The following LRP11 variants were observed in gnomAD, a reference collection of about 807,000 sequenced individuals.
LRP11 encodes LDL receptor related protein 11.
In LRP11, 25 loss-of-function variants were observed where a neutral mutation model predicts 43.1. The observed-to-expected ratio is 0.58, with a 90% CI of 0.42 to 0.81. The LOEUF (loss-of-function observed/expected upper bound fraction) is 0.81, where lower values mean the gene tolerates loss of function less well. LRP11 is among the 30% of genes least tolerant of loss of function. The pLI, the probability that LRP11 is intolerant of heterozygous loss-of-function variation, is 0.00. For missense variants in LRP11, 623 were observed against 665.1 expected, an observed-to-expected ratio of 0.94 and a Z score of 0.70; for synonymous variants, 316 against 299.4, an observed-to-expected ratio of 1.06 and a Z score of -0.57.
intron 6 of LRP11, among the ~76,000 whole-genome samples, chr6:149,822,267 A>G (rs1414336364): frequency 6.6e-6 from 1 of 152,020 alleles, no homozygotes; most frequent in African/African-American, 2.4e-5. Flanking sequence ...CTGAGCCCAG[A>G]AAGTTGAGGC....
At chr6:149,863,146 C>T (rs1448942090) in intron 1 of LRP11, among the ~76,000 whole-genome samples, 4 of 152,176 alleles carry the variant, frequency 2.6e-5, no homozygotes, top group Admixed American at 1.3e-4. Flanking sequence ...CCTTTTAAGT[C>T]ATATTTCCAC....
In LRP11 at chr6:149,831,411, G is replaced by A. The variant is rs145374449; in HGVS notation, c.1252+4674C>T. On this transcript the variant is annotated intron_variant, in intron 5 of 6. Coordinates refer to ENST00000239367, the MANE Select transcript of LRP11 (RefSeq NM_032832.6). ...CGGGGTAGCTTGGATACAAGAGGGT[G>A]GAATTGTTAATGAATGACATGGACC... Among the ~76,000 whole-genome samples, 161 of 152,306 alleles carry A rather than the reference G, an allele frequency of 1.1e-3. 1 individual carries two copies. Among genetic ancestry groups the A allele is most frequent in the African/African-American group, 3.7e-3 (155 of 41,566 alleles).
intron 1 of LRP11, among the ~76,000 whole-genome samples, chr6:149,856,370 G>T (rs1459680426): frequency 6.6e-6 from 1 of 152,142 alleles, no homozygotes; most frequent in African/African-American, 2.4e-5. Flanking sequence ...CTTCTAAACT[G>T]ATCACTGATG....
intron 2 of LRP11, among the ~76,000 whole-genome samples, chr6:149,848,922 G>C (rs1341459274): frequency 6.6e-6 from 1 of 152,166 alleles, no homozygotes; most frequent in African/African-American, 2.4e-5. Context: ...AGAGGCCCCA[G>C]AGGGCTGCCT....
intron 5 of LRP11, among the ~76,000 whole-genome samples, chr6:149,832,327 G>GTC (rs1776418736): frequency 6.6e-6 from 1 of 151,724 alleles, no homozygotes; most frequent in African/African-American, 2.4e-5. Flanking sequence ...GAGTAGCTGG[G>GTC]ATTACAGGTG....
intron 6 of LRP11, among the ~76,000 whole-genome samples, chr6:149,825,680 C>G (rs950557814): frequency 3.5e-5 from 5 of 143,558 alleles, no homozygotes; most frequent in African/African-American, 2.6e-5. Context: ...TTTTTTGAGA[C>G]GGTCTCACTC....
chr6:149,841,081 C>G (rs982288695), intron 3 of LRP11, among the ~76,000 whole-genome samples: 11 of 152,164 alleles, frequency 7.2e-5, no homozygotes, highest in Non-Finnish European at 1.2e-4. Flanking sequence ...CCTGGCTGGA[C>G]AGGTTGTCAT....
In LRP11 at chr6:149,843,070, A is replaced by G. The variant is rs1236698564; in HGVS notation, c.826T>C (p.Phe276Leu). The G allele has an allele frequency of 6.2e-7, 1 of 1,614,182 alleles. No individual in the cohort carries two copies. The highest frequency in any genetic ancestry group is 1.1e-5 in the South Asian group (1 of 91,084). Residue 276 changes from phenylalanine (F) to leucine (L), a missense_variant, in exon 3 of 7, where the codon TTC becomes CTC. Transcript: ENST00000239367. The part of the protein sequence containing the change: ...LSHLQEGTYT[F>L]QLTVTDTAGQ... Reference sequence around the variant, plus strand: ...GCAGTGTCCGTCACGGTCAGCTGGAAGGTGTAGGTTCCCTCCTGTAGGTGG... The same window carrying G: ...GCAGTGTCCGTCACGGTCAGCTGGAGGGTGTAGGTTCCCTCCTGTAGGTGG...
chr6:149,846,209 A>G (rs1776630438), intron 2 of LRP11, among the ~76,000 whole-genome samples: 2 of 152,200 alleles, frequency 1.3e-5, no homozygotes, highest in Admixed American at 6.5e-5. Flanking sequence ...GAGCTGCATA[A>G]GTGGAGAGGT....
At chr6:149,861,819 T>C (rs1487674742) in intron 1 of LRP11, among the ~76,000 whole-genome samples, 3 of 152,196 alleles carry the variant, frequency 2.0e-5, no homozygotes, top group African/African-American at 4.8e-5. Flanking sequence ...GTGCCTGGCG[T>C]CTCCAAGTAA....
chr6:149,834,457 A>T (rs1398971501), intron 5 of LRP11, among the ~76,000 whole-genome samples: 2 of 152,224 alleles, frequency 1.3e-5, no homozygotes, highest in African/African-American at 4.8e-5. Context: ...CTCTACTTTC[A>T]GCTAATTTGT....
intron 1 of LRP11, among the ~76,000 whole-genome samples, chr6:149,858,042 T>C (rs1776827463): frequency 6.6e-6 from 1 of 152,002 alleles, no homozygotes; most frequent in South Asian, 2.1e-4. Context: ...ATCAGATACT[T>C]CTTTTTAATT....
intron 6 of LRP11, among the ~76,000 whole-genome samples, chr6:149,820,928 CT>C (rs11399122): frequency 0.015 from 1,722 of 116,458 alleles, 8 homozygotes; most frequent in African/African-American, 0.023. Flanking sequence ...CAAACCTAGA[CT>C]TTTTTTTTTT....
rs139897421 is a variant in LRP11, at chr6:149,853,018, C to T, written c.756G>A (p.Pro252=). Residue 252 remains proline (P), a synonymous_variant, in exon 2 of 7, where the codon CCG becomes CCA. Transcript: ENST00000239367. ...CATGCGTTACCTTCATGTCCACTGA[C>T]GGGTCCCCCTGCAGCAGTGCCCACT... ...QYEWALLQGD[P]SVDMKVPQSG... 1.3e-4 allele frequency: 205 copies of T among 1,599,714 alleles called. No individual in the cohort carries two copies. The highest frequency in any genetic ancestry group is 2.3e-4 in the Admixed American group (13 of 56,708).
chr6:149,820,486 C>G lies in LRP11; in HGVS notation c.*63G>C. The G allele has an allele frequency of 1.4e-6, 1 of 697,654 alleles. No individual in the cohort carries two copies. Among genetic ancestry groups the G allele is most frequent in the Non-Finnish European group, 2.7e-6 (1 of 377,246 alleles). The allele number at this position is 697,654 out of a possible 1,614,324, so 43.2% of individuals were successfully genotyped here. A position where few individuals can be genotyped will look rare whatever the true frequency, so the allele number is the denominator to read the frequency against. On this transcript the variant is annotated 3_prime_UTR_variant, in exon 7 of 7. Transcript: ENST00000239367. ...CAAAAGAAGCTGTAAATATCCAGAA[C>G]TTAATAGATGTATAAATTATAAACA... is the stretch of plus-strand genomic sequence containing the variant.
rs60619665 is a variant in LRP11, at chr6:149,820,428, G to C, written c.*121C>G. 1.4e-3 allele frequency: 675 copies of C among 489,170 alleles called. 3 individuals are homozygous for C. Among genetic ancestry groups the C allele is most frequent in the African/African-American group, 0.012 (611 of 50,588 alleles). The allele number at this position is 489,170 out of a possible 1,614,324, so 30.3% of individuals were successfully genotyped here. On this transcript the variant is annotated 3_prime_UTR_variant, in exon 7 of 7. Transcript: ENST00000239367. Reference sequence around the variant, plus strand: ...TACAATAAATAATAAAGAAAGATTTGGGATTTGCAGAATCTTCTGGCCCAA... The same window carrying C: ...TACAATAAATAATAAAGAAAGATTTCGGATTTGCAGAATCTTCTGGCCCAA...
chr6:149,857,163 C>A (rs936735502), intron 1 of LRP11, among the ~76,000 whole-genome samples: 1 of 152,204 alleles, frequency 6.6e-6, no homozygotes, highest in Admixed American at 6.5e-5. Context: ...GGCTTCTAAT[C>A]TCCAAGCTGT....
Position 149,863,665 on chromosome 6 carries a change from C to A in LRP11, c.356G>T (p.Arg119Leu). 6.8e-7 allele frequency: 1 copy of A among 1,475,260 alleles called. No individual in the cohort carries two copies. The highest frequency in any genetic ancestry group is 8.9e-7 in the Non-Finnish European group (1 of 1,120,032). The allele number at this position is 1,475,260 out of a possible 1,614,324, so 91.4% of individuals were successfully genotyped here. A position where few individuals can be genotyped will look rare whatever the true frequency, so the allele number is the denominator to read the frequency against. The change falls in exon 1 of 7, where the codon CGG becomes CTG. Residue 119 changes from arginine to leucine, a missense_variant. Coordinates refer to ENST00000239367, the MANE Select transcript of LRP11 (RefSeq NM_032832.6). ...DSLAAGASFL[R>L]APAAVRGWRQ... is the part of the protein sequence containing the mutation. ...CCAGCCCCGCACGGCCGCCGGCGCC[C>A]GCAGGAAGCTGGCACCCGCCGCCAG...
intron 2 of LRP11, among the ~76,000 whole-genome samples, chr6:149,848,287 T>G (rs924966902): frequency 6.6e-6 from 1 of 152,162 alleles, no homozygotes; most frequent in African/African-American, 2.4e-5. Flanking sequence ...AGTTCACCCA[T>G]TGTGAAAAGT....
Sources: allele counts gnomAD v4.1 joint callset (sites outside exome capture counted in the v4.1 genomes callset), GRCh38; gene constraint gnomAD v4.1.1; transcripts MANE v1.5; gene names NCBI Gene and HGNC (gene_info 2026-07-23, HGNC 2026-07-21).